Variants in DLGAP2 observed in about 807,000 individuals in gnomAD.
DLGAP2 encodes the protein DLG associated protein 2, also known as disks large-associated protein 2.
A neutral mutation model predicts 100.3 loss-of-function variants in DLGAP2; 26 were observed. The ratio of observed to expected loss-of-function variants is 0.26; its 90% CI spans 0.19 to 0.36. The LOEUF (loss-of-function observed/expected upper bound fraction) is 0.36, where lower values mean the gene tolerates loss of function less well. Among genes scored for constraint, DLGAP2 ranks in the 10% least tolerant of loss-of-function variants. The pLI is 1.00. For missense variants in DLGAP2, 1,858 were observed against 1,453.2 expected (o/e 1.28, Z -4.53); for synonymous variants, 886 against 630.1 (o/e 1.41, Z -6.08).
chr8:1,611,156 C>A (rs1189189551), intron 6 of DLGAP2, among the ~76,000 whole-genome samples: 15 of 138,016 alleles, frequency 1.1e-4, no homozygotes, highest in Admixed American at 3.6e-4. Flanking sequence ...TACTGGCAAA[C>A]CGAATCCAGC....
intron 2 of DLGAP2, among the ~76,000 whole-genome samples, chr8:1,027,904 ATTCTCCAGGTGGGGTGCTCGGTGCCTG>A (rs1801855744): frequency 7.0e-6 from 1 of 143,044 alleles, no homozygotes; most frequent in African/African-American, 2.6e-5. Context: ...GGCGCCCGTT[ATTCTCCAGGTGGGGTGCTCGGTGCCTG>A]TTATTCTCCA....
intron 1 of DLGAP2, among the ~76,000 whole-genome samples, chr8:900,414 C>T (rs898622519): frequency 1.3e-5 from 2 of 152,226 alleles, no homozygotes; most frequent in African/African-American, 2.4e-5. Context: ...CGGTGTTGCT[C>T]CTGGAGCTCC....
intron 3 of DLGAP2, among the ~76,000 whole-genome samples, chr8:1,488,099 G>C (rs1799276969): frequency 6.6e-6 from 1 of 152,124 alleles, no homozygotes; most frequent in Non-Finnish European, 1.5e-5. Flanking sequence ...TATTCTTCAG[G>C]ATTTCTTGAC....
intron 3 of DLGAP2, among the ~76,000 whole-genome samples, chr8:1,311,161 A>G (rs1283543635): frequency 6.6e-6 from 1 of 152,238 alleles, no homozygotes; most frequent in East Asian, 1.9e-4. Context: ...TTGTACACCA[A>G]TAAACTAGTT....
At chr8:750,975 G>A (rs983178293) in intron 1 of DLGAP2, among the ~76,000 whole-genome samples, 2 of 152,262 alleles carry the variant, frequency 1.3e-5, no homozygotes, top group Non-Finnish European at 2.9e-5. Flanking sequence ...ACGGTTGGAA[G>A]CTTCTTTTTC....
intron 1 of DLGAP2, among the ~76,000 whole-genome samples, chr8:857,900 C>T (rs889764001): frequency 4.6e-5 from 7 of 151,490 alleles, no homozygotes; most frequent in Non-Finnish European, 8.8e-5. Context: ...GACGGAGCCT[C>T]GCTCTTGTTG....
At chr8:1,256,026 C>A (rs529225670) in intron 2 of DLGAP2, among the ~76,000 whole-genome samples, 1 of 131,676 alleles carries the variant, frequency 7.6e-6, no homozygotes, top group Admixed American at 7.6e-5. Context: ...TGTGTCCTCT[C>A]CTGCCCGGGT....
intron 1 of DLGAP2, among the ~76,000 whole-genome samples, chr8:873,349 A>G (rs915407161): frequency 1.3e-5 from 2 of 152,208 alleles, no homozygotes; most frequent in Non-Finnish European, 2.9e-5. Context: ...CCTGGCTAGG[A>G]CCACCAGCAC....
At chr8:916,726 G>A (rs1190857447) in intron 2 of DLGAP2, among the ~76,000 whole-genome samples, 2 of 152,166 alleles carry the variant, frequency 1.3e-5, no homozygotes, top group African/African-American at 2.4e-5. Flanking sequence ...TCAATGCAGA[G>A]GGGCACCCAA....
At chr8:1,195,260 C>T (rs1180847475) in intron 2 of DLGAP2, among the ~76,000 whole-genome samples, 5 of 152,222 alleles carry the variant, frequency 3.3e-5, no homozygotes, top group African/African-American at 9.6e-5. Flanking sequence ...TTCTGCCTCC[C>T]GCTGGCCAAG....
chr8:1,303,986 G>C (rs763794634), intron 3 of DLGAP2, among the ~76,000 whole-genome samples: 12 of 152,184 alleles, frequency 7.9e-5, no homozygotes, highest in Non-Finnish European at 1.3e-4. Context: ...CATTTGTGAG[G>C]AGAGTGCAGA....
chr8:1,472,710 G>T (rs1285288863), intron 3 of DLGAP2, among the ~76,000 whole-genome samples: 4 of 152,188 alleles, frequency 2.6e-5, no homozygotes, highest in African/African-American at 9.7e-5. Flanking sequence ...AGTGGTCTCT[G>T]CAGAAAGTTA....
chr8:1,211,598 A>C (rs180925459), intron 2 of DLGAP2, among the ~76,000 whole-genome samples: 1 of 152,238 alleles, frequency 6.6e-6, no homozygotes, highest in Admixed American at 6.5e-5. Context: ...ATTTGTGTCC[A>C]GGCACAGTGG....
At chr8:1,422,627 G>A (rs1244378939) in intron 3 of DLGAP2, among the ~76,000 whole-genome samples, 1 of 151,746 alleles carries the variant, frequency 6.6e-6, no homozygotes, top group Non-Finnish European at 1.5e-5. Context: ...GCCGACTCAC[G>A]GTTATCAGCA....
chr8:1,307,291 A>T (rs1181344645), intron 3 of DLGAP2, among the ~76,000 whole-genome samples: 2 of 152,236 alleles, frequency 1.3e-5, no homozygotes, highest in African/African-American at 4.8e-5. Flanking sequence ...TATTAAGGGA[A>T]TACAAAGCTA....
At chr8:893,827 C>T (rs565100054) in intron 1 of DLGAP2, among the ~76,000 whole-genome samples, 31 of 152,354 alleles carry the variant, frequency 2.0e-4, no homozygotes, top group African/African-American at 7.0e-4. Context: ...AGACCCCCTT[C>T]GGCCAGCAGC....
At chr8:1,110,036 C>T (rs1320476036) in intron 2 of DLGAP2, among the ~76,000 whole-genome samples, 2 of 114,084 alleles carry the variant, frequency 1.8e-5, no homozygotes, top group African/African-American at 3.6e-5. Flanking sequence ...TGTGCACGTG[C>T]CTATGAAGTG....
intron 5 of DLGAP2, among the ~76,000 whole-genome samples, chr8:1,552,623 C>G (rs549982475): frequency 6.6e-6 from 1 of 152,192 alleles, no homozygotes; most frequent in South Asian, 2.1e-4. Flanking sequence ...GATTTTATTT[C>G]GCAGCCAGGA....
At chr8:1,640,426 A>G (rs1385928419) in intron 8 of DLGAP2, among the ~76,000 whole-genome samples, 1 of 152,206 alleles carries the variant, frequency 6.6e-6, no homozygotes, top group Non-Finnish European at 1.5e-5. Flanking sequence ...TCCAAATGCC[A>G]GAAACCTGGC....
Sources: allele counts gnomAD v4.1 joint callset (sites outside exome capture counted in the v4.1 genomes callset), GRCh38; gene constraint gnomAD v4.1.1; transcripts MANE v1.5; gene names NCBI Gene and HGNC (gene_info 2026-07-23, HGNC 2026-07-21).